The following KIRREL3 variants were observed in gnomAD, a reference collection of about 807,000 sequenced individuals.
KIRREL3 encodes the protein kin of IRRE-like protein 3.
KIRREL3 carries 36 observed loss-of-function variants against 89.7 expected under a neutral mutation model. The ratio of observed to expected loss-of-function variants is 0.40; its 90% CI spans 0.31 to 0.53. KIRREL3 has a LOEUF of 0.53. KIRREL3 is among the 20% of genes least tolerant of loss of function. KIRREL3 has a pLI of 0.49. For synonymous variants in KIRREL3, 445 were observed against 441.4 expected, an observed-to-expected ratio of 1.01 and a Z score of -0.10; for missense variants, 864 against 1,056.6, an observed-to-expected ratio of 0.82 and a Z score of 2.53.
intron 1 of KIRREL3, among the ~76,000 whole-genome samples, chr11:126,834,122 A>G (rs1943700056): frequency 6.6e-6 from 1 of 152,192 alleles, no homozygotes; most frequent in African/African-American, 2.4e-5. Flanking sequence ...AATGTAACCT[A>G]CTGCAATACA....
intron 5 of KIRREL3, among the ~76,000 whole-genome samples, chr11:126,465,817 A>C (rs1956704606): frequency 6.6e-6 from 1 of 152,108 alleles, no homozygotes; most frequent in African/African-American, 2.4e-5. Flanking sequence ...AGCAGCTGGC[A>C]CCGCTTTACC....
chr11:126,532,070 C>T (rs953443310), intron 2 of KIRREL3, among the ~76,000 whole-genome samples: 17 of 152,206 alleles, frequency 1.1e-4, no homozygotes, highest in African/African-American at 3.9e-4. Flanking sequence ...AACTGCTGTT[C>T]ATGGAAGATT....
chr11:126,726,579 G>C (rs566135682), intron 1 of KIRREL3, among the ~76,000 whole-genome samples: 1 of 152,224 alleles, frequency 6.6e-6, no homozygotes, highest in African/African-American at 2.4e-5. Flanking sequence ...TGTTGGCCAG[G>C]CTGGTTTCAA....
intron 16 of KIRREL3, among the ~76,000 whole-genome samples, chr11:126,425,375 A>G (rs1172104362): frequency 6.6e-6 from 1 of 152,196 alleles, no homozygotes; most frequent in African/African-American, 2.4e-5. Context: ...TTTATCCAGA[A>G]CATGGATGCT....
chr11:126,997,668 G>A lies in KIRREL3; in HGVS notation c.55+2787C>T, dbSNP rs555739410. On this transcript the variant is annotated intron_variant, in intron 1 of 16. Transcript: ENST00000525144. The surrounding 1 kb of genome is among the most constrained non-coding windows in gnomAD (Gnocchi z 4.3). ...ACATTTGACAAATTAGGAAGAAAAG[G>A]ATGGCTGGAACGGACTTTAAGAGTT... 6.6e-6 allele frequency among the ~76,000 whole-genome samples: 1 copy of A among 152,254 alleles called. No individual in the cohort carries two copies. The highest frequency in any genetic ancestry group is 2.4e-5 in the African/African-American group (1 of 41,536).
Position 126,981,165 on chromosome 11 carries a change from A to G in KIRREL3, c.55+19290T>C, listed in dbSNP as rs1949710029. On this transcript the variant is annotated intron_variant, in intron 1 of 16. Transcript: ENST00000525144. This position sits in a 1 kb window ranked among gnomAD's most constrained non-coding sequence, Gnocchi z 4.2. ...ACCACAAACGTACCTCTCTGGACAA[A>G]CTGTCACCTGGATTTTTAGACAAAA... is the stretch of plus-strand genomic sequence containing the variant. 6.6e-6 allele frequency among the ~76,000 whole-genome samples: 1 copy of G among 152,220 alleles called. No homozygotes were observed. Among genetic ancestry groups the G allele is most frequent in the South Asian group, 2.1e-4 (1 of 4,826 alleles).
chr11:126,975,395 G>C (rs751298445), intron 1 of KIRREL3, among the ~76,000 whole-genome samples: 2 of 152,110 alleles, frequency 1.3e-5, no homozygotes, highest in Non-Finnish European at 2.9e-5. Flanking sequence ...TTCTTGCAAG[G>C]TTCTTTCTCC....
rs893235723 is a variant in KIRREL3, at chr11:126,544,675, G to C, written c.134-17988C>G. ...CCTGTCATTTATTTACTCCCTCCAC[G>C]GGGCTGCTTTTTGTATCTGGGCCAG... On this transcript the variant is annotated intron_variant, in intron 2 of 16. Coordinates refer to ENST00000525144, the MANE Select transcript of KIRREL3 (RefSeq NM_032531.4). This position sits in a 1 kb window ranked among gnomAD's most constrained non-coding sequence, Gnocchi z 5.6. Among the ~76,000 whole-genome samples the C allele has an allele frequency of 6.6e-6, 1 of 152,124 alleles. No individual in the cohort carries two copies. Among genetic ancestry groups the C allele is most frequent in the Non-Finnish European group, 1.5e-5 (1 of 68,026 alleles).
rs973316099 is a variant in KIRREL3, at chr11:126,485,471, C to T, written c.434-12005G>A. On this transcript the variant is annotated intron_variant, in intron 4 of 16. Transcript: ENST00000525144. This position sits in a 1 kb window ranked among gnomAD's most constrained non-coding sequence, Gnocchi z 5.8. ...TTCTGGCTCCGTCATTCACTGGCCA[C>T]GTGACCATGTGCAAATTCTCTGTGC... Among the ~76,000 whole-genome samples the T allele has an allele frequency of 2.0e-5, 3 of 152,180 alleles. No homozygotes were observed. Among genetic ancestry groups the T allele is most frequent in the African/African-American group, 7.2e-5 (3 of 41,444 alleles).
In KIRREL3 at chr11:126,740,170, TA is replaced by T. The variant is rs1268326402; in HGVS notation, c.56-177259del. ...AGTCATTGCTCTATTTTCAAGATAT[TA>T]TTTTTTAGAGGTGGCATCTAATTAT... On this transcript the variant is annotated intron_variant, in intron 1 of 16. Transcript: ENST00000525144. This position sits in a 1 kb window ranked among gnomAD's most constrained non-coding sequence, Gnocchi z 6.0. Among the ~76,000 whole-genome samples the T allele has an allele frequency of 1.3e-5, 2 of 152,210 alleles. No individual in the cohort carries two copies. Among genetic ancestry groups the T allele is most frequent in the Admixed American group, 6.5e-5 (1 of 15,286 alleles).
chr11:126,523,861 A>C lies in KIRREL3; in HGVS notation c.284-2397T>G, dbSNP rs1181239936. Among the ~76,000 whole-genome samples the C allele has an allele frequency of 6.6e-6, 1 of 152,188 alleles. No homozygotes were observed. The highest frequency in any genetic ancestry group is 2.4e-5 in the African/African-American group (1 of 41,448). ...TTCTGTTGTCTTGCAAGCTATCAGC[A>C]GCAGGATTTTGCTCTCACGAGCTGC... On this transcript the variant is annotated intron_variant, in intron 3 of 16. Coordinates refer to ENST00000525144, the MANE Select transcript of KIRREL3 (RefSeq NM_032531.4). The surrounding 1 kb of genome is among the most constrained non-coding windows in gnomAD (Gnocchi z 4.9).
chr11:126,960,272 G>A (rs1156610934), intron 1 of KIRREL3, among the ~76,000 whole-genome samples: 1 of 152,186 alleles, frequency 6.6e-6, no homozygotes, highest in Non-Finnish European at 1.5e-5. Flanking sequence ...GTTATCTTAA[G>A]AGCAGGGTAG....
intron 1 of KIRREL3, among the ~76,000 whole-genome samples, chr11:126,858,053 G>T (rs1015543768): frequency 6.6e-6 from 1 of 152,144 alleles, no homozygotes; most frequent in Non-Finnish European, 1.5e-5. Flanking sequence ...CTTACCGTGT[G>T]AACTGCCTCG....
chr11:126,907,389 G>C (rs1460673004), intron 1 of KIRREL3, among the ~76,000 whole-genome samples: 4 of 152,156 alleles, frequency 2.6e-5, no homozygotes, highest in Admixed American at 1.3e-4. Flanking sequence ...CTTTGTGAAG[G>C]CTGCGATAGA....
At position 126,424,585 on chromosome 11, in the gene KIRREL3, CG is replaced by C; in HGVS notation, c.2331del (p.His777GlnfsTer80). The C allele has an allele frequency of 6.2e-7, 1 of 1,613,686 alleles. No homozygotes were observed. The highest frequency in any genetic ancestry group is 8.5e-7 in the Non-Finnish European group (1 of 1,179,826). The part of the protein sequence containing the change: ...SRPLQRRMQT[H>X]V ...CCACCCGCGGTGTGTGATCCTTAGA[CG>C]TGAGTCTGCATCCGCCGCTGCAGGG... is the stretch of plus-strand genomic sequence containing the variant. On this transcript the variant is annotated frameshift_variant, in exon 17 of 17. Coordinates refer to ENST00000525144, the MANE Select transcript of KIRREL3 (RefSeq NM_032531.4). LOFTEE classifies it high-confidence loss of function.
chr11:126,677,394 TC>T lies in KIRREL3; in HGVS notation c.56-114483del, dbSNP rs1384830744. The stretch of plus-strand genomic sequence containing the variant: ...TGCACGTTCCCATCTGATAACCGAA[TC>T]TCCATTCTGGAGAAAGGATGTTGGC... On this transcript the variant is annotated intron_variant, in intron 1 of 16. Coordinates refer to ENST00000525144, the MANE Select transcript of KIRREL3 (RefSeq NM_032531.4). This position sits in a 1 kb window ranked among gnomAD's most constrained non-coding sequence, Gnocchi z 5.1. Among the ~76,000 whole-genome samples, 1 of 152,220 alleles carries T rather than the reference TC, an allele frequency of 6.6e-6. No individual in the cohort carries two copies. The highest frequency in any genetic ancestry group is 2.4e-5 in the African/African-American group (1 of 41,466).
chr11:126,439,365 C>T (rs918463284), intron 11 of KIRREL3, among the ~76,000 whole-genome samples: 2 of 151,682 alleles, frequency 1.3e-5, no homozygotes, highest in Non-Finnish European at 2.9e-5. Flanking sequence ...TCTGCCCTCA[C>T]CTTAATTTTT....
At chr11:126,963,740 T>G (rs181177073) in intron 1 of KIRREL3, among the ~76,000 whole-genome samples, 78 of 152,264 alleles carry the variant, frequency 5.1e-4, no homozygotes, top group African/African-American at 1.9e-3. Flanking sequence ...TCTTACGTCT[T>G]CAGCCAAGGC....
At chr11:126,816,362 C>T (rs935979597) in intron 1 of KIRREL3, among the ~76,000 whole-genome samples, 11 of 152,288 alleles carry the variant, frequency 7.2e-5, no homozygotes, top group East Asian at 1.9e-4. Flanking sequence ...TCCGAGTTTA[C>T]GTTTCCTGAA....
Sources: gnomAD v4.1 joint callset for allele counts (sites outside exome capture counted in the v4.1 genomes callset) on GRCh38, gnomAD v4.1.1 for gene constraint, Gnocchi (gnomAD v3.1) non-coding constraint, MANE v1.5 for transcripts, NCBI Gene and HGNC (gene_info 2026-07-23, HGNC 2026-07-21) for gene names.